The following GPT variants were observed in gnomAD, a reference collection of about 807,000 sequenced individuals.
GPT encodes the protein alanine aminotransferase 1.
A neutral mutation model predicts 51.4 loss-of-function variants in GPT; 60 were observed. The ratio of observed to expected loss-of-function variants is 1.17; its 90% CI spans 0.95 to 1.45. GPT has a LOEUF of 1.45. Among genes scored for constraint, GPT ranks in the 40% most tolerant of loss-of-function variants. The probability of loss-of-function intolerance (pLI) is 0.00; values close to 1 mark genes in which losing one functional copy is unlikely to be tolerated. For synonymous variants in GPT, 397 were observed against 303.1 expected (o/e 1.31, Z -3.22); for missense variants, 853 against 704.0 (o/e 1.21, Z -2.40).
In GPT at chr8:144,506,423, AG is replaced by A; in HGVS notation, c.1131+22del. 1 of 1,561,276 alleles carries A rather than the reference AG, an allele frequency of 6.4e-7. No individual in the cohort carries two copies. Among genetic ancestry groups the A allele is most frequent in the Non-Finnish European group, 8.7e-7 (1 of 1,154,962 alleles). On this transcript the variant is annotated intron_variant, in intron 8 of 10. Coordinates refer to ENST00000394955, the MANE Select transcript of GPT (RefSeq NM_005309.3). This position sits in a 1 kb window ranked among gnomAD's most constrained non-coding sequence, Gnocchi z 7.0. The stretch of plus-strand genomic sequence containing the variant: ...TTCCAGGCTGTGAGTTGGGGGCAGG[AG>A]GGGGTCCAGGTGACCTAATCAGGGG...
In GPT at chr8:144,506,043, A is replaced by G; in HGVS notation, c.868A>G (p.Lys290Glu). 6.2e-7 allele frequency: 1 copy of G among 1,612,398 alleles called. No individual in the cohort carries two copies. Among genetic ancestry groups the G allele is most frequent in the Non-Finnish European group, 8.5e-7 (1 of 1,179,710 alleles). The change falls in exon 7 of 11, where the codon AAG (lysine) becomes GAG (glutamate). Residue 290 changes from lysine to glutamate, a missense_variant. By Grantham distance (56) the Lys-to-Glu change is moderately conservative. Coordinates refer to ENST00000394955, the MANE Select transcript of GPT (RefSeq NM_005309.3). The surrounding 1 kb of genome is among the most constrained non-coding windows in gnomAD (Gnocchi z 7.0). Reference protein sequence around the residue: ...YAAGSQFHSFKKVLMEMGPPY... With the variant: ...YAAGSQFHSFEKVLMEMGPPY... Reference sequence around the variant, plus strand: ...CGCGGGTTCGCAGTTCCACTCATTCAAGAAGGTGCTCATGGAGATGGGGCC... The same window carrying G: ...CGCGGGTTCGCAGTTCCACTCATTCGAGAAGGTGCTCATGGAGATGGGGCC...
At position 144,506,706 on chromosome 8, in the gene GPT, C is replaced by A; in HGVS notation, c.1288-25C>A. 2 of 1,607,118 alleles carry A rather than the reference C, an allele frequency of 1.2e-6. No individual in the cohort carries two copies. The highest frequency in any genetic ancestry group is 1.7e-6 in the Non-Finnish European group (2 of 1,178,094). ...GGTGGGCAGGGGGGGCCGGGCATCC[C>A]TCTCTGACGGCTCTCCGTCCACAGG... On this transcript the variant is annotated intron_variant, in intron 9 of 10. Coordinates refer to ENST00000394955, the MANE Select transcript of GPT (RefSeq NM_005309.3). This position sits in a 1 kb window ranked among gnomAD's most constrained non-coding sequence, Gnocchi z 7.0.
chr8:144,507,114 G>GGGGGGGGGCCC lies in GPT; in HGVS notation c.*114_*115insGGGGGGGGCCC. On this transcript the variant is annotated 3_prime_UTR_variant, in exon 11 of 11. Coordinates refer to ENST00000394955, the MANE Select transcript of GPT (RefSeq NM_005309.3). The stretch of plus-strand genomic sequence containing the variant: ...TGCCTGGCGGGGTGGGGTGGGGGGG[G>GGGGGGGGGCCC]TGCTGGGCCCCTGCCTCTCTGCAGG... 2.0e-6 allele frequency: 1 copy of GGGGGGGGGCCC among 498,332 alleles called. No individual in the cohort carries two copies. 30.9% of individuals were successfully genotyped at this position (498,332 alleles called of 1,614,324 possible).
At position 144,506,648 on chromosome 8, in the gene GPT, C is replaced by G; in HGVS notation, c.1279C>G (p.Arg427Gly). ...RVQLPPRAVE[R>G]AQELGLAPDM... ...GCAGCTGCCCCCGCGGGCGGTGGAG[C>G]GCGCTCAGGTCAGGCGGGGGCGGGG... The change falls in exon 9 of 11, where the codon CGC becomes GGC. Residue 427 changes from arginine to glycine, a missense_variant. By Grantham distance (125) the Arg-to-Gly change is moderately radical. Transcript: ENST00000394955. This position sits in a 1 kb window ranked among gnomAD's most constrained non-coding sequence, Gnocchi z 7.0. The G allele has an allele frequency of 1.3e-6, 2 of 1,539,528 alleles. No homozygotes were observed. The highest frequency in any genetic ancestry group is 1.8e-6 in the Non-Finnish European group (2 of 1,140,126).
In GPT at chr8:144,506,064, G is replaced by C. The variant is rs1450929776; in HGVS notation, c.889G>C (p.Gly297Arg). The change falls in exon 7 of 11, where the codon GGG (glycine) becomes CGG (arginine). Residue 297 changes from glycine (G) to arginine (R), a missense_variant. By Grantham distance (125) the Gly-to-Arg change is moderately radical. Coordinates refer to ENST00000394955, the MANE Select transcript of GPT (RefSeq NM_005309.3). This position sits in a 1 kb window ranked among gnomAD's most constrained non-coding sequence, Gnocchi z 7.0. ...ATTCAAGAAGGTGCTCATGGAGATGGGGCCGCCCTACGCCGGGCAGCAGGA... is the reference window on the plus strand; with the variant it reads ...ATTCAAGAAGGTGCTCATGGAGATGCGGCCGCCCTACGCCGGGCAGCAGGA... ...HSFKKVLMEMGPPYAGQQELA... is the reference protein window; with the variant it reads ...HSFKKVLMEMRPPYAGQQELA... 6.2e-7 allele frequency: 1 copy of C among 1,612,424 alleles called. No individual in the cohort carries two copies. Among genetic ancestry groups the C allele is most frequent in the East Asian group, 2.2e-5 (1 of 44,854 alleles).
rs931107550 is a variant in GPT at position 144,504,200 on chromosome 8, G to A, written c.-105G>A. The A allele has an allele frequency of 5.2e-5, 65 of 1,241,546 alleles. No individual in the cohort carries two copies. The African/African-American group carries it at 8.8e-4, about 17-fold the overall frequency. The allele number at this position is 1,241,546 out of a possible 1,614,324, so 76.9% of individuals were successfully genotyped here. On this transcript the variant is annotated 5_prime_UTR_variant, in exon 1 of 11. Transcript: ENST00000394955. ...GCCTGGAGTTCCCTCTGCTACGGCT[G>A]CCCCCTCCCAGCCCTGGCCCACTAA...
chr8:144,506,694 G>T lies in GPT; in HGVS notation c.1288-37G>T, dbSNP rs760475837. ...CGGGGCCTGCGGGGTGGGCAGGGGG[G>T]GCCGGGCATCCCTCTCTGACGGCTC... On this transcript the variant is annotated intron_variant, in intron 9 of 10. Transcript: ENST00000394955. This position sits in a 1 kb window ranked among gnomAD's most constrained non-coding sequence, Gnocchi z 7.0. 22 of 1,556,562 alleles carry T rather than the reference G, an allele frequency of 1.4e-5. No individual in the cohort carries two copies. Among genetic ancestry groups the T allele is most frequent in the East Asian group, 4.5e-5 (2 of 44,410 alleles).
At position 144,504,345 on chromosome 8, in the gene GPT, A is replaced by C; in HGVS notation, c.41A>C (p.His14Pro). The change falls in exon 1 of 11, where the codon CAT (histidine) becomes CCT (proline). Residue 14 changes from histidine to proline, a missense_variant. By Grantham distance (77) the His-to-Pro change is moderately conservative (BLOSUM62 -2). Transcript: ENST00000394955. ...GGTGACCGGAGCCAGGCGGTGAGGC[A>C]TGGACTGAGGGCGAAGGTGCTGACG... ...STGDRSQAVR[H>P]GLRAKVLTLD... 1 of 1,610,940 alleles carries C rather than the reference A, an allele frequency of 6.2e-7. No homozygotes were observed. The highest frequency in any genetic ancestry group is 1.3e-5 in the African/African-American group (1 of 75,070).
rs554853278 is a variant in GPT at position 144,504,337 on chromosome 8, G to A, written c.33G>A (p.Ala11=). The change falls in exon 1 of 11, where the codon GCG becomes GCA. Residue 11 remains alanine, a synonymous_variant. Coordinates refer to ENST00000394955, the MANE Select transcript of GPT (RefSeq NM_005309.3). MASSTGDRSQ[A]VRHGLRAKVL... ...CGAGCACAGGTGACCGGAGCCAGGC[G>A]GTGAGGCATGGACTGAGGGCGAAGG... 20 of 1,610,666 alleles carry A rather than the reference G, an allele frequency of 1.2e-5. No homozygotes were observed. Among genetic ancestry groups the A allele is most frequent in the African/African-American group, 5.3e-5 (4 of 75,070 alleles).
chr8:144,505,803 C>A, intron 5 of GPT, 45 bp from the exon 6 acceptor site: 2 of 1,514,380 alleles, frequency 1.3e-6, no homozygotes, highest in Non-Finnish European at 1.8e-6. Context: ...GAGGGCAGTG[C>A]GCCCCCTTGG....
upstream of GPT, chr8:144,504,130 T>C: frequency 1.4e-6 from 1 of 694,604 alleles, no homozygotes; most frequent in Non-Finnish European, 2.5e-6. Context: ...CAGCCCTTTC[T>C]GTCCCTCCCA....
intron 5 of GPT, 63 bp from the exon 6 acceptor site, chr8:144,505,785 G>A: frequency 6.7e-7 from 1 of 1,495,232 alleles, no homozygotes; most frequent in Non-Finnish European, 9.0e-7. Flanking sequence ...GACCCCGGCT[G>A]CCCAGCGGAG....
At chr8:144,503,890 A>G, upstream of GPT, 1 of 265,296 alleles carries the variant, frequency 3.8e-6, no homozygotes, top group Non-Finnish European at 7.5e-6. Context: ...TGAGCACCCC[A>G]GGTGCTCAGC....
At position 144,506,364 on chromosome 8, in the gene GPT, C is replaced by T. The variant is rs1369031850; in HGVS notation, c.1089C>T (p.Ser363=). 2.6e-6 allele frequency: 4 copies of T among 1,563,284 alleles called. No individual in the cohort carries two copies. Among genetic ancestry groups the T allele is most frequent in the Admixed American group, 1.9e-5 (1 of 53,236 alleles). The change falls in exon 8 of 11, where the codon AGC becomes AGT. Residue 363 remains serine, a synonymous_variant. Coordinates refer to ENST00000394955, the MANE Select transcript of GPT (RefSeq NM_005309.3). This position sits in a 1 kb window ranked among gnomAD's most constrained non-coding sequence, Gnocchi z 7.0. ...PGQALLDLVV[S]PPAPTDPSFA... ...AGGCCCTGCTGGACCTGGTGGTCAG[C>T]CCGCCCGCGCCCACCGACCCCTCCT... is the stretch of plus-strand genomic sequence containing the variant.
In GPT at chr8:144,504,275, G is replaced by A. The variant is rs1391596767; in HGVS notation, c.-30G>A. On this transcript the variant is annotated 5_prime_UTR_variant, in exon 1 of 11. Coordinates refer to ENST00000394955, the MANE Select transcript of GPT (RefSeq NM_005309.3). Reference sequence around the variant, plus strand: ...CACTTCTGGTCCTGCCACCTCCTGAGCTGCCTTCCCGCCTGGTCTGGGTAG... The same window carrying A: ...CACTTCTGGTCCTGCCACCTCCTGAACTGCCTTCCCGCCTGGTCTGGGTAG... 1.9e-6 allele frequency: 3 copies of A among 1,602,314 alleles called. No homozygotes were observed. The highest frequency in any genetic ancestry group is 2.2e-5 in the South Asian group (2 of 90,542).
Position 144,504,640 on chromosome 8 carries a change from A to G in GPT, c.199A>G (p.Asn67Asp). Residue 67 changes from asparagine (N) to aspartate (D), a missense_variant, in exon 2 of 11, where the codon AAC becomes GAC. Physicochemically the swap from Asn to Asp is conservative, Grantham distance 23. Coordinates refer to ENST00000394955, the MANE Select transcript of GPT (RefSeq NM_005309.3). ...KKPFTEVIRA[N>D]IGDAQAMGQR... ...GCCTTTCACCGAGGTCATCCGTGCCAACATCGGGGACGCACAGGCTATGGG... is the reference window on the plus strand; with the variant it reads ...GCCTTTCACCGAGGTCATCCGTGCCGACATCGGGGACGCACAGGCTATGGG... 6.2e-7 allele frequency: 1 copy of G among 1,613,264 alleles called. No homozygotes were observed. The highest frequency in any genetic ancestry group is 8.5e-7 in the Non-Finnish European group (1 of 1,179,996).
Position 144,504,722 on chromosome 8 carries a change from C to A in GPT, c.252+29C>A, listed in dbSNP as rs578183347. The A allele has an allele frequency of 6.2e-6, 10 of 1,611,634 alleles. No homozygotes were observed. The African/African-American group carries it at 1.1e-4, about 17-fold the overall frequency. ...AGGCTCCTGCACTGCCCGGAGCACC[C>A]CCCCACCCCCAGCCCATGTGCCCTG... On this transcript the variant is annotated intron_variant, in intron 2 of 10. Coordinates refer to ENST00000394955, the MANE Select transcript of GPT (RefSeq NM_005309.3).
At chr8:144,504,001 T>C, upstream of GPT, 1 of 487,968 alleles carries the variant, frequency 2.0e-6, no homozygotes. Context: ...GTGGGGACAC[T>C]AGGCAGGCAC....
intron 2 of GPT, 35 bp from the exon 3 acceptor site, chr8:144,504,736 C>T (rs1251575390): frequency 1.2e-6 from 2 of 1,612,190 alleles, no homozygotes; most frequent in Admixed American, 1.7e-5. Context: ...CACCCCCAGC[C>T]CATGTGCCCT....
Sources: gnomAD v4.1 joint callset for allele counts on GRCh38, gnomAD v4.1.1 for gene constraint, Gnocchi (gnomAD v3.1) non-coding constraint, MANE v1.5 for transcripts, NCBI Gene and HGNC (gene_info 2026-07-23, HGNC 2026-07-21) for gene names.